Variants in ASTN2 observed in about 807,000 individuals in gnomAD.
ASTN2 encodes the protein astrotactin 2.
ASTN2 carries 54 observed loss-of-function variants against 139.8 expected under a neutral mutation model. That is an observed-to-expected ratio of 0.39 (90% CI 0.31 to 0.48). ASTN2 has a LOEUF of 0.48. Among genes scored for constraint, ASTN2 ranks in the 20% least tolerant of loss-of-function variants. ASTN2 has a pLI of 0.95. For synonymous variants in ASTN2, 756 were observed against 719.5 expected, an observed-to-expected ratio of 1.05 and a Z score of -0.81; for missense variants, 1,565 against 1,725.1, an observed-to-expected ratio of 0.91 and a Z score of 1.64.
chr9:116,726,844 C>A (rs184469853), intron 15 of ASTN2, among the ~76,000 whole-genome samples: 34 of 152,192 alleles, frequency 2.2e-4, no homozygotes, highest in African/African-American at 7.7e-4. Flanking sequence ...CTCCTCCCTG[C>A]TACTGGACAA....
intron 3 of ASTN2, among the ~76,000 whole-genome samples, chr9:117,194,889 G>A (rs936758745): frequency 2.0e-5 from 3 of 152,188 alleles, no homozygotes; most frequent in African/African-American, 7.2e-5. Context: ...TTTGTCCAGT[G>A]CAGAGAAAAG....
intron 13 of ASTN2, among the ~76,000 whole-genome samples, chr9:116,788,184 G>A (rs1830429236): frequency 6.6e-6 from 1 of 152,012 alleles, no homozygotes; most frequent in South Asian, 2.1e-4. Flanking sequence ...GGAATTGCGG[G>A]GAGATGAAGA....
intron 4 of ASTN2, among the ~76,000 whole-genome samples, chr9:117,117,178 C>T (rs1829417051): frequency 6.6e-6 from 1 of 152,040 alleles, no homozygotes; most frequent in African/African-American, 2.4e-5. Flanking sequence ...TCAGTTTCCC[C>T]TTAGCTAGGA....
chr9:117,220,585 T>C (rs1009246995), intron 2 of ASTN2, among the ~76,000 whole-genome samples: 4 of 152,092 alleles, frequency 2.6e-5, no homozygotes, highest in African/African-American at 9.7e-5. Flanking sequence ...CACATGAAGA[T>C]GAAGACAGAG....
intron 20 of ASTN2, among the ~76,000 whole-genome samples, chr9:116,478,291 G>A (rs1849057828): frequency 1.3e-5 from 2 of 151,210 alleles, no homozygotes; most frequent in Non-Finnish European, 2.9e-5. Flanking sequence ...AGAGAGCCAG[G>A]GAAGAAAATG....
intron 1 of ASTN2, among the ~76,000 whole-genome samples, chr9:117,294,316 AATG>A (rs1388405950): frequency 6.6e-6 from 1 of 152,386 alleles, no homozygotes; most frequent in African/African-American, 2.4e-5. Context: ...GTAAACGTTA[AATG>A]ATAATAACAG....
chr9:117,158,101 T>TA (rs1468926276), intron 3 of ASTN2, among the ~76,000 whole-genome samples: 2 of 151,964 alleles, frequency 1.3e-5, no homozygotes, highest in African/African-American at 4.8e-5. Context: ...AATAAAAAAA[T>TA]AGAAAAAATT....
rs549937163 is a variant in ASTN2, at chr9:116,507,782, T to C, written c.3356-20282A>G. On this transcript the variant is annotated intron_variant, in intron 19 of 22. Transcript: ENST00000313400. The stretch of plus-strand genomic sequence containing the variant: ...ACTCGATCCTCAGGTCCCCATTTCA[T>C]GTTCACATCCAATCCCACCACTTCT... Among the ~76,000 whole-genome samples the C allele has an allele frequency of 2.0e-5, 3 of 152,354 alleles. No individual in the cohort carries two copies. The South Asian group carries it at 6.2e-4, about 32-fold the overall frequency.
At chr9:116,523,271 G>A (rs1304175484) in intron 19 of ASTN2, among the ~76,000 whole-genome samples, 3 of 151,858 alleles carry the variant, frequency 2.0e-5, no homozygotes, top group African/African-American at 7.3e-5. Context: ...GAGACAGAAA[G>A]GTCATCAAAA....
intron 17 of ASTN2, among the ~76,000 whole-genome samples, chr9:116,621,834 G>A (rs969073660): frequency 1.3e-5 from 2 of 152,170 alleles, no homozygotes; most frequent in Non-Finnish European, 2.9e-5. Context: ...CACAGCACAG[G>A]AGTCAAGTTT....
chr9:117,117,347 A>G (rs1829420626), intron 4 of ASTN2, among the ~76,000 whole-genome samples: 1 of 146,602 alleles, frequency 6.8e-6, no homozygotes, highest in Non-Finnish European at 1.5e-5. Context: ...GCTCTGGGAG[A>G]TGGGAAAAAA....
At chr9:116,718,972 G>GTGTGTGTGTATATA (rs56991546) in intron 16 of ASTN2, among the ~76,000 whole-genome samples, 2 of 100,052 alleles carry the variant, frequency 2.0e-5, no homozygotes, top group African/African-American at 7.7e-5. Context: ...ACCTGTATCT[G>GTGTGTGTGTATATA]TACATATATA....
At chr9:116,642,147 A>C (rs1289414738) in intron 17 of ASTN2, among the ~76,000 whole-genome samples, 1 of 137,952 alleles carries the variant, frequency 7.2e-6, no homozygotes, top group Non-Finnish European at 1.5e-5. Flanking sequence ...AAAAAAAAAC[A>C]AAAAAAAACA....
At chr9:117,044,428 G>T (rs755214762) in intron 5 of ASTN2, among the ~76,000 whole-genome samples, 1 of 152,190 alleles carries the variant, frequency 6.6e-6, no homozygotes, top group Non-Finnish European at 1.5e-5. Context: ...AGCAGCAGAG[G>T]GGTGTGGGGA....
chr9:116,970,203 T>G (rs937350860), intron 10 of ASTN2, among the ~76,000 whole-genome samples: 2 of 152,190 alleles, frequency 1.3e-5, no homozygotes, highest in East Asian at 3.9e-4. Context: ...CGGCATAACA[T>G]CTGCAAAGAC....
At position 117,086,715 on chromosome 9, in the gene ASTN2, C is replaced by T. The variant is rs183738709; in HGVS notation, c.1276+9329G>A. ...CTTTCCACCCTGTCTTCACTTCTCC[C>T]GGCTTTCCCTGTACCCATGTCCAGG... On this transcript the variant is annotated intron_variant, in intron 5 of 22. Transcript: ENST00000313400. Among the ~76,000 whole-genome samples, 42 of 152,274 alleles carry T rather than the reference C, an allele frequency of 2.8e-4. No individual in the cohort carries two copies. The East Asian group carries it at 6.9e-3, about 25-fold the overall frequency.
intron 2 of ASTN2, among the ~76,000 whole-genome samples, chr9:117,244,611 G>A (rs1262970036): frequency 3.5e-5 from 5 of 144,118 alleles, no homozygotes; most frequent in Non-Finnish European, 7.6e-5. Flanking sequence ...GGGAGGAGAG[G>A]GAGGGAGGGA....
At chr9:117,304,490 A>G (rs745616819) in intron 1 of ASTN2, among the ~76,000 whole-genome samples, 1 of 152,190 alleles carries the variant, frequency 6.6e-6, no homozygotes, top group Non-Finnish European at 1.5e-5. Flanking sequence ...GCACAGAACA[A>G]ACTGATGTTG....
chr9:116,903,960 C>T (rs1834089191), intron 10 of ASTN2, among the ~76,000 whole-genome samples: 1 of 152,168 alleles, frequency 6.6e-6, no homozygotes, highest in African/African-American at 2.4e-5. Context: ...TTTGGGCTTT[C>T]CAATGCCTGA....
Sources: gnomAD v4.1 joint callset for allele counts (sites outside exome capture counted in the v4.1 genomes callset) on GRCh38, gnomAD v4.1.1 for gene constraint, MANE v1.5 for transcripts, NCBI Gene and HGNC (gene_info 2026-07-23, HGNC 2026-07-21) for gene names.